Variants in SLC7A14 observed in about 807,000 individuals in gnomAD.
SLC7A14 encodes solute carrier family 7 member 14, also known as gamma-aminobutyric acid transporter SLC7A14.
SLC7A14 carries 37 observed loss-of-function variants against 60.2 expected under a neutral mutation model. That is an observed-to-expected ratio of 0.61 (90% CI 0.47 to 0.81). The LOEUF (loss-of-function observed/expected upper bound fraction) is 0.81, where lower values mean the gene tolerates loss of function less well. Among genes scored for constraint, SLC7A14 ranks in the 30% least tolerant of loss-of-function variants. The pLI is 0.00. For synonymous variants in SLC7A14, 399 were observed against 395.8 expected (o/e 1.01, Z -0.10); for missense variants, 886 against 982.7 (o/e 0.90, Z 1.32).
In SLC7A14 at chr3:170,480,213, C is replaced by G. The variant is rs1433530913; in HGVS notation, c.1993+76G>C. 2.8e-6 allele frequency: 4 copies of G among 1,453,200 alleles called. No individual in the cohort carries two copies. In the Admixed American group the frequency reaches 7.4e-5, roughly 27 times the overall value. 90.0% of individuals were successfully genotyped at this position (1,453,200 alleles called of 1,614,324 possible). A position where few individuals can be genotyped will look rare whatever the true frequency, so the allele number is the denominator to read the frequency against. On this transcript the variant is annotated intron_variant, in intron 7 of 7. Coordinates refer to ENST00000231706, the MANE Select transcript of SLC7A14 (RefSeq NM_020949.3). Reference sequence around the variant, plus strand: ...CTGGGAACGGAGTTGCCTAGTCCAGCTAGGAGGTAATTTTGGGATAAGCAT... The same window carrying G: ...CTGGGAACGGAGTTGCCTAGTCCAGGTAGGAGGTAATTTTGGGATAAGCAT...
chr3:170,517,464 A>C (rs1713201161), intron 2 of SLC7A14, among the ~76,000 whole-genome samples: 1 of 152,216 alleles, frequency 6.6e-6, no homozygotes, highest in Non-Finnish European at 1.5e-5. Context: ...CTAATCCTAG[A>C]TCACGGAGGA....
At position 170,583,725 on chromosome 3, in the gene SLC7A14, A is replaced by T. The variant is rs893359440; in HGVS notation, c.-153+2186T>A. Among the ~76,000 whole-genome samples, 3 of 152,214 alleles carry T rather than the reference A, an allele frequency of 2.0e-5. No individual in the cohort carries two copies. The East Asian group carries it at 5.8e-4, about 29-fold the overall frequency. ...TCTCCAGACTTCCTGAAGCCCTGCT[A>T]CTCTTTTAGAAAAGGCTGCTGGTTT... On this transcript the variant is annotated intron_variant, in intron 1 of 7. Transcript: ENST00000231706.
chr3:170,489,679 G>A (rs1276027005), intron 4 of SLC7A14, among the ~76,000 whole-genome samples: 1 of 152,172 alleles, frequency 6.6e-6, no homozygotes, highest in Admixed American at 6.5e-5. Flanking sequence ...CTAAGATTTG[G>A]AAGCAACTTA....
intron 1 of SLC7A14, among the ~76,000 whole-genome samples, chr3:170,544,359 C>G (rs1455854756): frequency 6.6e-6 from 1 of 152,056 alleles, no homozygotes; most frequent in Non-Finnish European, 1.5e-5. Context: ...GACACACACA[C>G]AAAAGAGAAG....
intron 2 of SLC7A14, among the ~76,000 whole-genome samples, chr3:170,501,745 A>G (rs1712615741): frequency 6.6e-6 from 1 of 152,204 alleles, no homozygotes; most frequent in Non-Finnish European, 1.5e-5. Context: ...GTTTTTACAT[A>G]TTATAGAAGG....
intron 1 of SLC7A14, among the ~76,000 whole-genome samples, chr3:170,550,251 A>G (rs1714305060): frequency 6.6e-6 from 1 of 152,238 alleles, no homozygotes; most frequent in African/African-American, 2.4e-5. Flanking sequence ...TGCACTTACT[A>G]TAATATGAAG....
intron 1 of SLC7A14, among the ~76,000 whole-genome samples, chr3:170,548,657 C>T (rs745725771): frequency 1.3e-5 from 2 of 152,200 alleles, no homozygotes; most frequent in Non-Finnish European, 2.9e-5. Context: ...CATGGAGCTT[C>T]TGAGTCCACA....
In SLC7A14 at chr3:170,501,119, G is replaced by A. The variant is rs200396426; in HGVS notation, c.531C>T (p.Leu177=). 3.7e-6 allele frequency: 6 copies of A among 1,614,228 alleles called. No homozygotes were observed. The Admixed American group carries it at 6.7e-5, about 18-fold the overall frequency. The change falls in exon 3 of 8, where the codon CTC becomes CTT. Residue 177 remains leucine, a synonymous_variant. Transcript: ENST00000231706. ...ATGTGGCAGTCTCACCCAGGCCATT[G>A]AGGGTTCCCACGCTGTCCGCCATCC... ...SRWMADSVGT[L]NGLGKGEESY... is the part of the protein sequence containing the mutation.
intron 1 of SLC7A14, among the ~76,000 whole-genome samples, chr3:170,581,378 C>T (rs1379205211): frequency 1.3e-5 from 2 of 152,050 alleles, no homozygotes; most frequent in African/African-American, 4.8e-5. Context: ...TTGATGATTA[C>T]TTAAAAACTA....
chr3:170,538,737 T>C (rs1713924318), intron 1 of SLC7A14, among the ~76,000 whole-genome samples: 1 of 152,176 alleles, frequency 6.6e-6, no homozygotes, highest in African/African-American at 2.4e-5. Context: ...GCCCCTGCCC[T>C]CCAGGAGCTC....
At chr3:170,480,109 A>G (rs1021784515) in intron 7 of SLC7A14, among the ~76,000 whole-genome samples, 180 bp downstream of exon 7, 5 of 152,344 alleles carry the variant, frequency 3.3e-5, no homozygotes, top group Admixed American at 2.6e-4. Flanking sequence ...GACTAAGAAC[A>G]TTACAGGCAG....
chr3:170,550,027 T>A (rs1714297549), intron 1 of SLC7A14, among the ~76,000 whole-genome samples: 1 of 152,232 alleles, frequency 6.6e-6, no homozygotes, highest in Admixed American at 6.5e-5. Context: ...GAGCTATAAT[T>A]AAATGATGGT....
intron 1 of SLC7A14, among the ~76,000 whole-genome samples, chr3:170,580,765 G>A (rs1715212746): frequency 6.6e-6 from 1 of 152,204 alleles, no homozygotes. Context: ...AATAAATAAA[G>A]TGACTTCGTT....
chr3:170,538,701 G>A (rs1405642008), intron 1 of SLC7A14, among the ~76,000 whole-genome samples: 2 of 152,186 alleles, frequency 1.3e-5, no homozygotes, highest in African/African-American at 2.4e-5. Context: ...TGTGCAAAAT[G>A]TAGAGGCAAA....
At chr3:170,525,441 A>G (rs1253511996) in intron 2 of SLC7A14, among the ~76,000 whole-genome samples, 3 of 152,206 alleles carry the variant, frequency 2.0e-5, no homozygotes, top group Admixed American at 6.5e-5. Flanking sequence ...TGGACTATAA[A>G]TCTGTGGAGG....
intron 4 of SLC7A14, among the ~76,000 whole-genome samples, chr3:170,487,802 T>G (rs1712082744): frequency 6.6e-6 from 1 of 152,216 alleles, no homozygotes; most frequent in South Asian, 2.1e-4. Context: ...AAAATTTTGC[T>G]GGTAAAGAAT....
chr3:170,541,143 G>A (rs1242589099), intron 1 of SLC7A14, among the ~76,000 whole-genome samples: 1 of 152,148 alleles, frequency 6.6e-6, no homozygotes, highest in Non-Finnish European at 1.5e-5. Context: ...GAAATTATCA[G>A]GTGCAGAAAA....
At chr3:170,490,746 A>T (rs9882318) in intron 4 of SLC7A14, among the ~76,000 whole-genome samples, 15,901 of 152,194 alleles carry the variant, frequency 0.1, 1,239 homozygotes, top group African/African-American at 0.21. Flanking sequence ...GCCACATATT[A>T]GCTTGGTGAC....
At chr3:170,562,886 G>C (rs943940020) in intron 1 of SLC7A14, among the ~76,000 whole-genome samples, 2 of 151,974 alleles carry the variant, frequency 1.3e-5, no homozygotes, top group African/African-American at 4.8e-5. Context: ...TCAGCCTCCT[G>C]AGTAGCTGGG....
Sources: gnomAD v4.1 joint callset for allele counts (sites outside exome capture counted in the v4.1 genomes callset) on GRCh38, gnomAD v4.1.1 for gene constraint, MANE v1.5 for transcripts, NCBI Gene and HGNC (gene_info 2026-07-23, HGNC 2026-07-21) for gene names.